MYO1E: variants seen among roughly 807,000 people sequenced by gnomAD.
MYO1E encodes the protein unconventional myosin-Ie.
A neutral mutation model predicts 151.1 loss-of-function variants in MYO1E; 68 were observed. The ratio of observed to expected loss-of-function variants is 0.45; its 90% CI spans 0.37 to 0.55. The LOEUF is 0.55. Ranked by LOEUF, MYO1E falls within the 20% of genes least tolerant of loss-of-function variation. MYO1E has a pLI of 0.00. For synonymous variants in MYO1E, 601 were observed against 501.7 expected (o/e 1.20, Z -2.64); for missense variants, 1,363 against 1,389.3 (o/e 0.98, Z 0.30).
At chr15:59,354,209 T>A (rs2080841037) in intron 1 of MYO1E, among the ~76,000 whole-genome samples, 1 of 152,162 alleles carries the variant, frequency 6.6e-6, no homozygotes, top group African/African-American at 2.4e-5. Flanking sequence ...AACAAAACAA[T>A]TAAGCCATTA....
chr15:59,178,598 C>G (rs75032416), intron 18 of MYO1E, 61 bp from the exon 19 acceptor site: 4 of 1,588,042 alleles, frequency 2.5e-6, no homozygotes, highest in Admixed American at 1.7e-5. Context: ...GTTTTCTACC[C>G]GGGCAAGGCA....
At chr15:59,252,560 C>T (rs1182284261) in intron 4 of MYO1E, among the ~76,000 whole-genome samples, 1 of 152,250 alleles carries the variant, frequency 6.6e-6, no homozygotes, top group South Asian at 2.1e-4. Context: ...ACTGAAAATA[C>T]AAAAATTAGC....
chr15:59,322,719 G>A (rs2080634847), intron 1 of MYO1E, among the ~76,000 whole-genome samples: 2 of 152,064 alleles, frequency 1.3e-5, no homozygotes, highest in South Asian at 2.1e-4. Flanking sequence ...ATTCTAAAAA[G>A]CACATTGGGA....
At chr15:59,180,439 T>C (rs370549118) in intron 18 of MYO1E, among the ~76,000 whole-genome samples, 3 of 152,318 alleles carry the variant, frequency 2.0e-5, no homozygotes, top group South Asian at 4.2e-4. Context: ...TTTGCTTGGC[T>C]TGATCTAACC....
intron 1 of MYO1E, among the ~76,000 whole-genome samples, chr15:59,366,297 TCTC>T (rs386784482): frequency 6.0e-4 from 88 of 147,844 alleles, no homozygotes; most frequent in African/African-American, 1.9e-3. Context: ...TTCTTTTTTT[TCTC>T]TCTCTCTCTT....
At chr15:59,201,859 A>AGGAGAGGCCTGCTG (rs2079804013) in intron 16 of MYO1E, among the ~76,000 whole-genome samples, 1 of 152,218 alleles carries the variant, frequency 6.6e-6, no homozygotes, top group Non-Finnish European at 1.5e-5. Context: ...ATTCACAGCA[A>AGGAGAGGCCTGCTG]GGAGAGGCCT....
intron 1 of MYO1E, among the ~76,000 whole-genome samples, chr15:59,277,102 C>T (rs2080323598): frequency 6.6e-6 from 1 of 152,142 alleles, no homozygotes; most frequent in Non-Finnish European, 1.5e-5. Flanking sequence ...TCCCCCACCC[C>T]GTACAGGGCA....
intron 18 of MYO1E, among the ~76,000 whole-genome samples, chr15:59,187,584 A>T (rs1205611572): frequency 6.6e-6 from 1 of 152,248 alleles, no homozygotes; most frequent in Non-Finnish European, 1.5e-5. Context: ...ACTTTGAAGC[A>T]TATACCCGAA....
rs555056563 is a variant in MYO1E, at chr15:59,251,146, G to A, written c.332+5138C>T. On this transcript the variant is annotated intron_variant, in intron 4 of 27. Transcript: ENST00000288235. ...GCCTCTCTAGTAGTCGGTGACCTCC[G>A]CTTAGTATCAAACAGAAGCATTTCC... 2.0e-5 allele frequency among the ~76,000 whole-genome samples: 3 copies of A among 152,274 alleles called. No homozygotes were observed. In the South Asian group the frequency reaches 6.2e-4, roughly 32 times the overall value.
intron 4 of MYO1E, among the ~76,000 whole-genome samples, chr15:59,250,716 A>G (rs2080159588): frequency 6.6e-6 from 1 of 152,128 alleles, no homozygotes; most frequent in Admixed American, 6.5e-5. Context: ...TGGGCAGTCT[A>G]CCGAGGAGGC....
chr15:59,205,071 T>C (rs146494635), intron 15 of MYO1E, among the ~76,000 whole-genome samples: 1 of 152,318 alleles, frequency 6.6e-6, no homozygotes, highest in Non-Finnish European at 1.5e-5. Flanking sequence ...AGAAACCAAA[T>C]AGATTAAATG....
Position 59,178,290 on chromosome 15 carries a change from G to C in MYO1E, c.2049+103C>G. ...CTTCTTTGAGGAGACAACATTGATG[G>C]CATGAAGCGAAGAATGAGAAAAAGA... is the stretch of plus-strand genomic sequence containing the variant. On this transcript the variant is annotated intron_variant, in intron 19 of 27. Transcript: ENST00000288235. 2.1e-6 allele frequency: 3 copies of C among 1,416,852 alleles called. No individual in the cohort carries two copies. In the South Asian group the frequency reaches 3.9e-5, roughly 18 times the overall value. 87.8% of individuals were successfully genotyped at this position (1,416,852 alleles called of 1,614,324 possible).
At chr15:59,237,307 AT>A (rs2140358557) in intron 4 of MYO1E, among the ~76,000 whole-genome samples, 1 of 152,346 alleles carries the variant, frequency 6.6e-6, no homozygotes, top group South Asian at 2.1e-4. Flanking sequence ...AAGCTTCCTT[AT>A]TTTAGAAGTT....
At chr15:59,366,846 T>C (rs1567026434) in intron 1 of MYO1E, among the ~76,000 whole-genome samples, 2 of 152,214 alleles carry the variant, frequency 1.3e-5, no homozygotes, top group Non-Finnish European at 2.9e-5. Context: ...AGATGTTTAT[T>C]TTAATACCTT....
In MYO1E at chr15:59,236,602, C is replaced by G. The variant is rs1308354614; in HGVS notation, c.403G>C (p.Gly135Arg). 1 of 1,613,630 alleles carries G rather than the reference C, an allele frequency of 6.2e-7. No individual in the cohort carries two copies. The highest frequency in any genetic ancestry group is 8.5e-7 in the Non-Finnish European group (1 of 1,179,760). The change falls in exon 5 of 28, where the codon GGA (glycine) becomes CGA (arginine). Residue 135 changes from glycine to arginine, a missense_variant. Gly to Arg is a moderately radical substitution (Grantham distance 125). Coordinates refer to ENST00000288235, the MANE Select transcript of MYO1E (RefSeq NM_004998.4). ...CCACTCACCTGGACTTTGGTCCCTC[C>G]TCCAGACACTCTGGAGATGTAGCTC... Reference protein sequence around the residue: ...IMSYISRVSGGGTKVQHVKDI... With the variant: ...IMSYISRVSGRGTKVQHVKDI...
intron 26 of MYO1E, among the ~76,000 whole-genome samples, chr15:59,139,516 C>T (rs1375496219): frequency 7.0e-6 from 1 of 142,246 alleles, no homozygotes; most frequent in Non-Finnish European, 1.5e-5. Flanking sequence ...ACTCTGCAGA[C>T]ATCCCTCCTA....
At chr15:59,164,962 G>C (rs1397869041) in intron 22 of MYO1E, among the ~76,000 whole-genome samples, 1 of 152,124 alleles carries the variant, frequency 6.6e-6, no homozygotes, top group African/African-American at 2.4e-5. Context: ...TACAGAAGAG[G>C]TATGACAGAG....
chr15:59,354,602 T>C (rs1241511851), intron 1 of MYO1E, among the ~76,000 whole-genome samples: 3 of 151,872 alleles, frequency 2.0e-5, no homozygotes, highest in African/African-American at 7.3e-5. Flanking sequence ...TGATAATAAA[T>C]ATCAGGCTCC....
intron 1 of MYO1E, among the ~76,000 whole-genome samples, chr15:59,297,275 A>C (rs1236639505): frequency 7.2e-6 from 1 of 138,682 alleles, no homozygotes; most frequent in Non-Finnish European, 1.6e-5. Flanking sequence ...ATTTGTCAGA[A>C]TTTTTTTTTT....
Sources: allele counts gnomAD v4.1 joint callset (sites outside exome capture counted in the v4.1 genomes callset), GRCh38; gene constraint gnomAD v4.1.1; transcripts MANE v1.5; gene names NCBI Gene and HGNC (gene_info 2026-07-23, HGNC 2026-07-21).